Variants in SYNE1 observed in about 807,000 individuals in gnomAD.
SYNE1 encodes the protein nesprin-1.
Under a neutral mutation model 1,111.0 loss-of-function variants are expected in SYNE1, and 616 were observed. The ratio of observed to expected loss-of-function variants is 0.55; its 90% CI spans 0.52 to 0.59. The LOEUF is 0.59. SYNE1 is among the 20% of genes least tolerant of loss of function. The pLI is 0.00. For missense variants in SYNE1, 10,006 were observed against 10,417.0 expected, an observed-to-expected ratio of 0.96 and a Z score of 1.72; for synonymous variants, 3,855 against 3,825.8, an observed-to-expected ratio of 1.01 and a Z score of -0.28.
rs1488730685 is a variant in SYNE1 at position 152,399,944 on chromosome 6, T to G, written c.7030-121A>C. ...ATTGTTGAATCCACTCCATGGTGTA[T>G]ACATTTTGGTGCGTTTTTGAGTACT... On this transcript the variant is annotated intron_variant, in intron 47 of 145. Transcript: ENST00000367255. 6.9e-6 allele frequency: 8 copies of G among 1,152,596 alleles called. No individual in the cohort carries two copies. The Admixed American group carries it at 1.4e-4, about 20-fold the overall frequency. The allele number at this position is 1,152,596 out of a possible 1,614,324, so 71.4% of individuals were successfully genotyped here. A position where few individuals can be genotyped will look rare whatever the true frequency, so the allele number is the denominator to read the frequency against.
chr6:152,364,686 G>A (rs1199950762), intron 63 of SYNE1, among the ~76,000 whole-genome samples, 161 bp downstream of exon 63: 2 of 108,012 alleles, frequency 1.9e-5, no homozygotes, highest in African/African-American at 3.8e-5. Flanking sequence ...AAGGAGGAAG[G>A]AGGAAGGAAG....
chr6:152,341,919 TTAAG>T (rs2096542029), intron 74 of SYNE1, among the ~76,000 whole-genome samples: 1 of 152,106 alleles, frequency 6.6e-6, no homozygotes, highest in Non-Finnish European at 1.5e-5. Context: ...ACCGATGGAA[TTAAG>T]TGAGGACTTA....
intron 70 of SYNE1, among the ~76,000 whole-genome samples, chr6:152,351,557 T>C (rs893256993): frequency 2.6e-5 from 4 of 152,252 alleles, no homozygotes; most frequent in African/African-American, 9.6e-5. Flanking sequence ...AATCAGTTTC[T>C]AAGGAACTTA....
At chr6:152,589,173 C>T (rs1468434428) in intron 3 of SYNE1, among the ~76,000 whole-genome samples, 2 of 152,072 alleles carry the variant, frequency 1.3e-5, no homozygotes, top group African/African-American at 4.8e-5. Flanking sequence ...TCCCAAAGTG[C>T]TGGGATTACA....
Position 152,628,513 on chromosome 6 carries a change from T to C in SYNE1, c.-182A>G. Reference sequence around the variant, plus strand: ...CCAAAGACTGAACTGCTTCTTTTTCTTCTTCCGTTTTAAGACTGTCCTCTT... The same window carrying C: ...CCAAAGACTGAACTGCTTCTTTTTCCTCTTCCGTTTTAAGACTGTCCTCTT... On this transcript the variant is annotated 5_prime_UTR_variant, in exon 3 of 146. Coordinates refer to ENST00000367255, the MANE Select transcript of SYNE1 (RefSeq NM_182961.4). 1 of 651,640 alleles carries C rather than the reference T, an allele frequency of 1.5e-6. No individual in the cohort carries two copies. Among genetic ancestry groups the C allele is most frequent in the Non-Finnish European group, 2.7e-6 (1 of 365,028 alleles). The allele number at this position is 651,640 out of a possible 1,614,324, so 40.4% of individuals were successfully genotyped here.
At position 152,122,508 on chromosome 6, in the gene SYNE1, A is replaced by G; in HGVS notation, c.26322T>C (p.Cys8774=). The G allele has an allele frequency of 6.2e-7, 1 of 1,614,182 alleles. No individual in the cohort carries two copies. The part of the protein sequence containing the change: ...LVPMSEEDYS[C]ALSNNFARSF... ...ACCGGGCAAAGTTGTTGGAGAGGGC[A>G]CAGCTGTAGTCTTCCTCTGACATTG... The change falls in exon 146 of 146, where the codon TGT becomes TGC. Residue 8774 remains cysteine, a synonymous_variant. Transcript: ENST00000367255.
chr6:152,237,847 T>C (rs1293055034), intron 108 of SYNE1, among the ~76,000 whole-genome samples: 1 of 151,940 alleles, frequency 6.6e-6, no homozygotes, highest in Non-Finnish European at 1.5e-5. Context: ...AAAGATCAGT[T>C]GAAGTCTTTT....
intron 133 of SYNE1, among the ~76,000 whole-genome samples, chr6:152,153,893 A>C (rs531522414): frequency 1.3e-5 from 2 of 152,238 alleles, no homozygotes; most frequent in Admixed American, 6.5e-5. Flanking sequence ...TTTAAACTCC[A>C]TAAGAATAAA....
At chr6:152,215,758 T>G (rs2078483578) in intron 121 of SYNE1, among the ~76,000 whole-genome samples, 1 of 152,228 alleles carries the variant, frequency 6.6e-6, no homozygotes, top group South Asian at 2.1e-4. Context: ...CATGCTGCTA[T>G]TCTCTCTTTA....
chr6:152,225,472 A>C (rs1288168334), intron 116 of SYNE1, among the ~76,000 whole-genome samples: 1 of 152,104 alleles, frequency 6.6e-6, no homozygotes, highest in African/African-American at 2.4e-5. Context: ...ATGTTTGAGA[A>C]TGATCTATTG....
At chr6:152,630,451 GAAT>G (rs2099696151) in intron 2 of SYNE1, among the ~76,000 whole-genome samples, 1 of 152,172 alleles carries the variant, frequency 6.6e-6, no homozygotes, top group East Asian at 1.9e-4. Context: ...AGCCCTGCTG[GAAT>G]TGTGTGCCCA....
intron 32 of SYNE1, among the ~76,000 whole-genome samples, chr6:152,439,183 G>A (rs2098504375): frequency 6.6e-6 from 1 of 152,168 alleles, no homozygotes; most frequent in African/African-American, 2.4e-5. Context: ...GAAGACCATG[G>A]ACAAAGGAGA....
chr6:152,467,244 TTTTA>T (rs1273421326), intron 16 of SYNE1, among the ~76,000 whole-genome samples: 20 of 152,116 alleles, frequency 1.3e-4, no homozygotes, highest in Non-Finnish European at 2.9e-4. Flanking sequence ...ATTGGCTTTA[TTTTA>T]TTTGTTTGAG....
chr6:152,597,635 A>G (rs746677619), intron 3 of SYNE1, among the ~76,000 whole-genome samples: 1 of 152,162 alleles, frequency 6.6e-6, no homozygotes, highest in Non-Finnish European at 1.5e-5. Context: ...AGTGAGCACA[A>G]ACTCCAGAGA....
At chr6:152,127,450 T>C (rs1242818075) in intron 145 of SYNE1, 3 of 152,198 alleles carry the variant, frequency 2.0e-5, no homozygotes, top group Admixed American at 1.3e-4. Context: ...AGCTTATCAC[T>C]ATTATCTGTA....
Position 152,358,399 on chromosome 6 carries a change from G to A in SYNE1, c.10582C>T (p.His3528Tyr), listed in dbSNP as rs755911576. ...TGAAGATCACGCAATGTTGTCTCAT[G>A]AGTGTGGGCATCACCTTCAAGAACT... ...YSVLEGDAHTHETTLRDLQEL... is the reference protein window; with the variant it reads ...YSVLEGDAHTYETTLRDLQEL... Residue 3528 changes from histidine (H) to tyrosine (Y), a missense_variant, in exon 66 of 146, where the codon CAT (histidine) becomes TAT (tyrosine). This residue lies in a region of SYNE1 where 4,955 missense variants were observed against 5,017.2 expected (regional missense o/e 0.99). Transcript: ENST00000367255. The A allele has an allele frequency of 1.9e-6, 3 of 1,614,202 alleles. No individual in the cohort carries two copies. Among genetic ancestry groups the A allele is most frequent in the Non-Finnish European group, 2.5e-6 (3 of 1,180,034 alleles).
intron 3 of SYNE1, among the ~76,000 whole-genome samples, chr6:152,621,641 T>G (rs2099675694): frequency 6.6e-6 from 1 of 152,022 alleles, no homozygotes; most frequent in Non-Finnish European, 1.5e-5. Context: ...ATTTTATAGG[T>G]CACTGAAGAC....
At chr6:152,245,463 G>T (rs1052158143) in intron 105 of SYNE1, among the ~76,000 whole-genome samples, 5 of 152,220 alleles carry the variant, frequency 3.3e-5, no homozygotes, top group African/African-American at 1.2e-4. Flanking sequence ...CAAGACTCCA[G>T]ATGGCAGCTG....
chr6:152,236,675 C>T (rs1301168000), intron 109 of SYNE1, 142 bp downstream of exon 109: 33 of 1,103,794 alleles, frequency 3.0e-5, no homozygotes, highest in South Asian at 6.7e-5. Context: ...CTATAAATAA[C>T]AGAAACATTA....
Sources: allele counts gnomAD v4.1 joint callset (sites outside exome capture counted in the v4.1 genomes callset), GRCh38; gene constraint gnomAD v4.1.1; regional missense constraint gnomAD v4.1.1; transcripts MANE v1.5; gene names NCBI Gene and HGNC (gene_info 2026-07-23, HGNC 2026-07-21).